Variants in AMZ1 observed in about 807,000 individuals in gnomAD.
The protein encoded by AMZ1 is archaemetzincin-1.
Under a neutral mutation model 29.9 loss-of-function variants are expected in AMZ1, and 39 were observed. The observed-to-expected ratio is 1.30, with a 90% CI of 1.01 to 1.70. The LOEUF (loss-of-function observed/expected upper bound fraction) is 1.70, where lower values mean the gene tolerates loss of function less well. Among genes scored for constraint, AMZ1 ranks in the 40% most tolerant of loss-of-function variants. AMZ1 has a pLI of 0.00. For synonymous variants in AMZ1, 458 were observed against 304.0 expected (o/e 1.51, Z -5.27); for missense variants, 1,041 against 680.6 (o/e 1.53, Z -5.89).
intron 6 of AMZ1, among the ~76,000 whole-genome samples, chr7:2,711,050 C>G (rs964917528): frequency 6.6e-6 from 1 of 152,268 alleles, no homozygotes; most frequent in Admixed American, 6.5e-5. Flanking sequence ...CCTCCCTACA[C>G]GTGCTGACCT....
chr7:2,688,439 C>A (rs1006907145), intron 1 of AMZ1, 143 bp downstream of exon 1: 5 of 152,058 alleles, frequency 3.3e-5, no homozygotes, highest in Admixed American at 3.3e-4. Flanking sequence ...CGGCTACGGG[C>A]GCGCGGGGAC....
chr7:2,711,873 G>A (rs1252891716), intron 6 of AMZ1, among the ~76,000 whole-genome samples: 5 of 152,104 alleles, frequency 3.3e-5, no homozygotes, highest in South Asian at 4.2e-4. Context: ...GTGAAACCCC[G>A]TCTCCACTAA....
intron 4 of AMZ1, among the ~76,000 whole-genome samples, chr7:2,752,345 T>C (rs148101175): frequency 1.5e-3 from 222 of 152,334 alleles, no homozygotes; most frequent in African/African-American, 4.9e-3. Context: ...TAAGTCATGG[T>C]GGACCACTGA....
upstream of AMZ1, among the ~76,000 whole-genome samples, chr7:2,684,584 A>G (rs1029685710): frequency 2.0e-5 from 3 of 152,252 alleles, no homozygotes. Flanking sequence ...TCTTTCTAGA[A>G]TAGACTCTGA....
At chr7:2,709,525 C>A in intron 5 of AMZ1, 115 bp from the exon 6 acceptor site, 1 of 1,455,318 alleles carries the variant, frequency 6.9e-7, no homozygotes, top group African/African-American at 1.4e-5. Flanking sequence ...TGGACCACCT[C>A]CCGGCCATCT....
chr7:2,758,923 C>G (rs1791426447), intron 4 of AMZ1, among the ~76,000 whole-genome samples: 1 of 152,040 alleles, frequency 6.6e-6, no homozygotes, highest in African/African-American at 2.4e-5. Context: ...GGTGGATCAC[C>G]TGAGGTCAGG....
Position 2,700,669 on chromosome 7 carries a change from C to A in AMZ1, c.218C>A (p.Ala73Asp). Residue 73 changes from alanine to aspartate, a missense_variant, in exon 2 of 7, where the codon GCT becomes GAT. Ala to Asp is a moderately radical substitution (Grantham distance 126, BLOSUM62 -2). Coordinates refer to ENST00000683327, the MANE Select transcript of AMZ1 (RefSeq NM_001384743.1). The part of the protein sequence containing the change: ...GFDWLLSRPE[A>D]PEDFQTFHAS... ...GACTGGCTCCTGAGCCGACCCGAGG[C>A]TCCCGAGGACTTCCAGACCTTCCAC... is the stretch of plus-strand genomic sequence containing the variant. The A allele has an allele frequency of 6.2e-7, 1 of 1,612,686 alleles. No individual in the cohort carries two copies. The highest frequency in any genetic ancestry group is 8.5e-7 in the Non-Finnish European group (1 of 1,180,020).
At chr7:2,693,513 A>G (rs961228081) in intron 1 of AMZ1, among the ~76,000 whole-genome samples, 3 of 151,790 alleles carry the variant, frequency 2.0e-5, no homozygotes, top group African/African-American at 7.3e-5. Flanking sequence ...TCGAGTAACT[A>G]GGACCACAGA....
chr7:2,707,542 C>T (rs776656274), intron 3 of AMZ1, among the ~76,000 whole-genome samples: 6 of 152,042 alleles, frequency 3.9e-5, no homozygotes, highest in Non-Finnish European at 5.9e-5. Context: ...TATCTGTCCA[C>T]ACTCATGCTC....
intron 6 of AMZ1, among the ~76,000 whole-genome samples, 180 bp downstream of exon 6, chr7:2,709,996 C>G (rs576579836): frequency 3.0e-4 from 45 of 152,340 alleles, no homozygotes; most frequent in African/African-American, 1.1e-3. Flanking sequence ...ATCTCACTGG[C>G]AGTAGATCGA....
intron 1 of AMZ1, among the ~76,000 whole-genome samples, chr7:2,699,909 A>G (rs1787953169): frequency 6.6e-6 from 1 of 152,156 alleles, no homozygotes; most frequent in African/African-American, 2.4e-5. Flanking sequence ...GTGGGGGCCC[A>G]TGGACACATG....
upstream of AMZ1, among the ~76,000 whole-genome samples, chr7:2,761,118 T>C (rs1009756884): frequency 2.6e-5 from 4 of 152,204 alleles, no homozygotes; most frequent in Admixed American, 6.5e-5. Context: ...CTCTCGGCTG[T>C]GGGGCTCCTC....
chr7:2,736,306 G>A (rs1200335283), intron 4 of AMZ1, among the ~76,000 whole-genome samples: 1 of 152,106 alleles, frequency 6.6e-6, no homozygotes, highest in Non-Finnish European at 1.5e-5. Context: ...ATCCAAAGTG[G>A]GCTCTCGGGA....
In AMZ1 at chr7:2,709,630, T is replaced by G. The variant is rs767427886; in HGVS notation, c.772-10T>G. The G allele has an allele frequency of 1.2e-6, 2 of 1,605,436 alleles. No homozygotes were observed. The highest frequency in any genetic ancestry group is 4.5e-5 in the East Asian group (2 of 44,792). ...CAGTGAGGCAAGGTGCTTGGTGGCC[T>G]TCCCCCCAGGTCACGTGCCACGAGC... is the stretch of plus-strand genomic sequence containing the variant. On this transcript the variant is annotated splice_polypyrimidine_tract_variant and intron_variant, in intron 5 of 6. Transcript: ENST00000683327.
Position 2,712,966 on chromosome 7 carries a change from T to C in AMZ1, c.*88T>C, listed in dbSNP as rs1220580144. The C allele has an allele frequency of 7.3e-7, 1 of 1,365,962 alleles. No homozygotes were observed. Among genetic ancestry groups the C allele is most frequent in the African/African-American group, 1.5e-5 (1 of 67,254 alleles). 84.6% of individuals were successfully genotyped at this position (1,365,962 alleles called of 1,614,324 possible). On this transcript the variant is annotated 3_prime_UTR_variant, in exon 7 of 7. Transcript: ENST00000683327. Reference sequence around the variant, plus strand: ...GAGGCCACTACTGACCTGCCAGGGATAAAGAGGAAGGGTCTGCCTGGGTGG... The same window carrying C: ...GAGGCCACTACTGACCTGCCAGGGACAAAGAGGAAGGGTCTGCCTGGGTGG...
At chr7:2,703,352 G>C (rs1788171715) in intron 3 of AMZ1, among the ~76,000 whole-genome samples, 1 of 152,110 alleles carries the variant, frequency 6.6e-6, no homozygotes, top group East Asian at 1.9e-4. Context: ...TGTTGGCCAG[G>C]CTGGTCTTGA....
intron 6 of AMZ1, among the ~76,000 whole-genome samples, chr7:2,711,490 T>C (rs1186317335): frequency 6.6e-6 from 1 of 152,170 alleles, no homozygotes; most frequent in African/African-American, 2.4e-5. Context: ...AAACTGTGTG[T>C]CCCCTGTACA....
At chr7:2,732,076 C>G (rs1194144471) in intron 4 of AMZ1, among the ~76,000 whole-genome samples, 1 of 152,030 alleles carries the variant, frequency 6.6e-6, no homozygotes, top group African/African-American at 2.4e-5. Flanking sequence ...CCAGAGATAC[C>G]TTTTTATTTT....
chr7:2,734,498 C>T (rs1349909154), intron 4 of AMZ1, among the ~76,000 whole-genome samples: 2 of 152,160 alleles, frequency 1.3e-5, no homozygotes, highest in Non-Finnish European at 2.9e-5. Context: ...CGAGCTGACG[C>T]AGGAGAATTT....
Sources: gnomAD v4.1 joint callset for allele counts (sites outside exome capture counted in the v4.1 genomes callset) on GRCh38, gnomAD v4.1.1 for gene constraint, MANE v1.5 for transcripts, NCBI Gene and HGNC (gene_info 2026-07-23, HGNC 2026-07-21) for gene names.